The following GALNT17 variants were observed in gnomAD, a reference collection of about 807,000 sequenced individuals.
GALNT17 encodes the protein polypeptide N-acetylgalactosaminyltransferase 17, also known as UDP-GalNAc:polypeptide N-acetylgalactosaminyltransferase-like 3.
A neutral mutation model predicts 63.7 loss-of-function variants in GALNT17; 29 were observed. That is an observed-to-expected ratio of 0.46 (90% CI 0.34 to 0.62). The LOEUF (loss-of-function observed/expected upper bound fraction) is 0.62. GALNT17 is among the 20% of genes least tolerant of loss of function. The pLI, the probability that GALNT17 is intolerant of heterozygous loss-of-function variation, is 0.01. For missense variants in GALNT17, 603 were observed against 799.6 expected, an observed-to-expected ratio of 0.75 and a Z score of 2.97; for synonymous variants, 305 against 318.3, an observed-to-expected ratio of 0.96 and a Z score of 0.45.
At chr7:71,178,764 T>A (rs982979302) in intron 1 of GALNT17, among the ~76,000 whole-genome samples, 2 of 152,218 alleles carry the variant, frequency 1.3e-5, no homozygotes, top group African/African-American at 4.8e-5. Flanking sequence ...TGTTCATTCA[T>A]TGTGTATATA....
intron 5 of GALNT17, among the ~76,000 whole-genome samples, chr7:71,444,612 G>C (rs1034593530): frequency 1.3e-5 from 2 of 152,164 alleles, no homozygotes; most frequent in African/African-American, 4.8e-5. Flanking sequence ...GAGGCAGGTA[G>C]ATCACTTGAG....
chr7:71,405,884 CAT>C (rs1793319426), intron 3 of GALNT17, among the ~76,000 whole-genome samples: 1 of 152,206 alleles, frequency 6.6e-6, no homozygotes, highest in African/African-American at 2.4e-5. Flanking sequence ...ACATTCAGCA[CAT>C]AGCACACGCT....
chr7:71,701,481 T>C (rs1371614268), intron 9 of GALNT17, among the ~76,000 whole-genome samples: 2 of 151,202 alleles, frequency 1.3e-5, no homozygotes, highest in African/African-American at 4.9e-5. Flanking sequence ...AGTGAGACTC[T>C]ATCTCAAAAA....
chr7:71,704,281 A>T (rs1791693047), intron 9 of GALNT17, among the ~76,000 whole-genome samples: 2 of 152,240 alleles, frequency 1.3e-5, no homozygotes, highest in South Asian at 4.1e-4. Context: ...TAGCATCAAA[A>T]AGGATTAAAT....
chr7:71,413,452 G>C (rs10265164), intron 3 of GALNT17, among the ~76,000 whole-genome samples: 1 of 151,698 alleles, frequency 6.6e-6, no homozygotes, highest in Non-Finnish European at 1.5e-5. Flanking sequence ...TGCAACCTCC[G>C]CCTCCCAGGT....
At chr7:71,222,541 C>T (rs1039095535) in intron 1 of GALNT17, among the ~76,000 whole-genome samples, 2 of 152,156 alleles carry the variant, frequency 1.3e-5, no homozygotes, top group Non-Finnish European at 2.9e-5. Context: ...ATTAACCCGC[C>T]TCTGCCTCCC....
chr7:71,699,427 G>C (rs1791596113), intron 9 of GALNT17, among the ~76,000 whole-genome samples: 1 of 147,392 alleles, frequency 6.8e-6, no homozygotes. Flanking sequence ...AGTGAGCCGA[G>C]ATTGCGCCAC....
intron 6 of GALNT17, among the ~76,000 whole-genome samples, chr7:71,660,980 C>T (rs1790899310): frequency 2.0e-5 from 3 of 152,214 alleles, no homozygotes; most frequent in Admixed American, 6.5e-5. Flanking sequence ...CACTTGGATC[C>T]GTGCAGCAGC....
At chr7:71,276,498 G>A (rs1220520889) in intron 1 of GALNT17, among the ~76,000 whole-genome samples, 7 of 152,124 alleles carry the variant, frequency 4.6e-5, no homozygotes, top group African/African-American at 1.7e-4. Flanking sequence ...TTGAATCATG[G>A]GGGTGGGCTT....
intron 1 of GALNT17, among the ~76,000 whole-genome samples, chr7:71,304,421 G>T (rs1285974255): frequency 1.3e-5 from 2 of 152,146 alleles, no homozygotes; most frequent in Non-Finnish European, 2.9e-5. Flanking sequence ...TGCCCCTTTG[G>T]GTAAATTACC....
intron 1 of GALNT17, among the ~76,000 whole-genome samples, chr7:71,313,538 T>C (rs935691234): frequency 3.9e-5 from 6 of 152,208 alleles, no homozygotes. Context: ...TGCTTCTCTT[T>C]AGGAAAGAAT....
At chr7:71,214,460 C>T (rs9638610) in intron 1 of GALNT17, among the ~76,000 whole-genome samples, 56,662 of 152,044 alleles carry the variant, frequency 0.37, 10,892 homozygotes, top group South Asian at 0.53. Flanking sequence ...TTGATATCTT[C>T]CTCTTTGACA....
intron 5 of GALNT17, among the ~76,000 whole-genome samples, chr7:71,568,815 CTTAATA>C (rs947598841): frequency 1.3e-5 from 2 of 152,084 alleles, no homozygotes; most frequent in African/African-American, 4.8e-5. Context: ...CAATACAATA[CTTAATA>C]TTTATCAGTG....
At chr7:71,509,268 T>G (rs1207081891) in intron 5 of GALNT17, among the ~76,000 whole-genome samples, 1 of 152,220 alleles carries the variant, frequency 6.6e-6, no homozygotes, top group Non-Finnish European at 1.5e-5. Context: ...TCTGAGCACA[T>G]GTAATATAGC....
At chr7:71,269,540 G>A (rs73173991) in intron 1 of GALNT17, among the ~76,000 whole-genome samples, 5,435 of 152,232 alleles carry the variant, frequency 0.036, 112 homozygotes, top group South Asian at 0.061. Context: ...CTTGGAGGAG[G>A]CAGTAGAAGG....
intron 1 of GALNT17, among the ~76,000 whole-genome samples, chr7:71,242,902 C>T (rs1281899586): frequency 6.6e-6 from 1 of 152,208 alleles, no homozygotes; most frequent in African/African-American, 2.4e-5. Flanking sequence ...TGCAGGTGTA[C>T]TTTACCTTTC....
intron 6 of GALNT17, among the ~76,000 whole-genome samples, chr7:71,579,933 T>TGATG (rs770472835): frequency 4.6e-5 from 7 of 151,834 alleles, no homozygotes; most frequent in Admixed American, 4.6e-4. Flanking sequence ...GATGCATGGA[T>TGATG]GATGGATGGA....
At chr7:71,241,807 T>C (rs1421259048) in intron 1 of GALNT17, among the ~76,000 whole-genome samples, 3 of 152,132 alleles carry the variant, frequency 2.0e-5, no homozygotes, top group Non-Finnish European at 2.9e-5. Flanking sequence ...GAGGATTGCT[T>C]GAGCCCAGGA....
chr7:71,335,761 G>T (rs751630426), intron 2 of GALNT17, 28 bp downstream of exon 2: 5 of 1,561,964 alleles, frequency 3.2e-6, no homozygotes, highest in Non-Finnish European at 2.6e-6. Flanking sequence ...CATTTGCGGA[G>T]CTTGATGGGT....
Sources: allele counts gnomAD v4.1 joint callset (sites outside exome capture counted in the v4.1 genomes callset), GRCh38; gene constraint gnomAD v4.1.1; transcripts MANE v1.5; gene names NCBI Gene and HGNC (gene_info 2026-07-23, HGNC 2026-07-21).